Variants in RDH10 observed in about 807,000 individuals in gnomAD.
RDH10 encodes retinol dehydrogenase 10 (all-trans).
In RDH10, 12 loss-of-function variants were observed where a neutral mutation model predicts 30.2. That is an observed-to-expected ratio of 0.40 (90% CI 0.25 to 0.64). The LOEUF is 0.64. Ranked by LOEUF, RDH10 falls within the 30% of genes least tolerant of loss-of-function variation. RDH10 has a pLI of 0.43. For synonymous variants in RDH10, 189 were observed against 172.2 expected, an observed-to-expected ratio of 1.10 and a Z score of -0.76; for missense variants, 268 against 445.2, an observed-to-expected ratio of 0.60 and a Z score of 3.58.
At position 73,323,703 on chromosome 8, in the gene RDH10, G is replaced by A. The variant is rs1814810299; in HGVS notation, c.*667G>A. ...AGTCTCGCTCTGTCACCAGGCTGGA[G>A]TGCAGTAGCACAATCACGGCTCACT... On this transcript the variant is annotated 3_prime_UTR_variant, in exon 6 of 6. Coordinates refer to ENST00000240285, the MANE Select transcript of RDH10 (RefSeq NM_172037.5). The A allele has an allele frequency of 6.7e-6, 1 of 149,436 alleles. No individual in the cohort carries two copies. The highest frequency in any genetic ancestry group is 6.7e-5 in the Admixed American group (1 of 14,878). The allele number at this position is 149,436 out of a possible 1,614,324, so 9.3% of individuals were successfully genotyped here.
At chr8:73,307,269 G>A (rs1175178001) in intron 2 of RDH10, among the ~76,000 whole-genome samples, 1 of 152,162 alleles carries the variant, frequency 6.6e-6, no homozygotes, top group Non-Finnish European at 1.5e-5. Context: ...GGCAGCTGAA[G>A]CAACTGCTTA....
At chr8:73,320,475 GTTTTT>G (rs55892941) in intron 3 of RDH10, among the ~76,000 whole-genome samples, 4 of 137,426 alleles carry the variant, frequency 2.9e-5, no homozygotes, top group African/African-American at 1.1e-4. Flanking sequence ...TTTTGTTTTT[GTTTTT>G]TTTTTTTTGA....
At chr8:73,301,078 T>G in intron 2 of RDH10, among the ~76,000 whole-genome samples, 1 of 121,656 alleles carries the variant, frequency 8.2e-6, no homozygotes, top group Non-Finnish European at 1.6e-5. Context: ...TGAGACGGAG[T>G]CTCGCTCTGT....
chr8:73,312,965 G>A (rs1225287988), intron 2 of RDH10: 1 of 152,234 alleles, frequency 6.6e-6, no homozygotes, highest in Non-Finnish European at 1.5e-5. Context: ...CCTACGGTGA[G>A]AAATTAACTT....
At chr8:73,303,814 G>A (rs1164567573) in intron 2 of RDH10, among the ~76,000 whole-genome samples, 2 of 152,098 alleles carry the variant, frequency 1.3e-5, no homozygotes, top group Non-Finnish European at 2.9e-5. Flanking sequence ...GCCCAAATCT[G>A]TTGCTACTAG....
Position 73,295,208 on chromosome 8 carries a change from C to T in RDH10, c.-82C>T, listed in dbSNP as rs1814238240. ...TCGTCCCGGCCTCTGTGACAAGCGC[C>T]CCGGAGCCGGGAGCCCGATTGCCGG... On this transcript the variant is annotated 5_prime_UTR_variant, in exon 1 of 6. Coordinates refer to ENST00000240285, the MANE Select transcript of RDH10 (RefSeq NM_172037.5). 7 of 1,339,884 alleles carry T rather than the reference C, an allele frequency of 5.2e-6. No homozygotes were observed. Among genetic ancestry groups the T allele is most frequent in the South Asian group, 4.5e-5 (3 of 67,266 alleles). 83.0% of individuals were successfully genotyped at this position (1,339,884 alleles called of 1,614,324 possible). A position where few individuals can be genotyped will look rare whatever the true frequency, so the allele number is the denominator to read the frequency against.
chr8:73,316,215 A>G (rs1814661158), intron 2 of RDH10, among the ~76,000 whole-genome samples: 1 of 151,962 alleles, frequency 6.6e-6, no homozygotes, highest in Non-Finnish European at 1.5e-5. Context: ...GCAGCGTTTC[A>G]CAGTGTTTCC....
chr8:73,301,819 G>A (rs1354419024), intron 2 of RDH10, among the ~76,000 whole-genome samples: 1 of 152,132 alleles, frequency 6.6e-6, no homozygotes, highest in Non-Finnish European at 1.5e-5. Context: ...TGCAAACCAG[G>A]GCTGTCTCAC....
intron 2 of RDH10, among the ~76,000 whole-genome samples, chr8:73,303,284 G>A (rs541531163): frequency 6.6e-6 from 1 of 152,226 alleles, no homozygotes; most frequent in Admixed American, 6.5e-5. Context: ...TAATGTTTAG[G>A]TTCTTATGTG....
At position 73,295,188 on chromosome 8, in the gene RDH10, C is replaced by T; in HGVS notation, c.-102C>T. ...GGGCGCGGGGCGCAGCCTTCTCGTCCCGGCCTCTGTGACAAGCGCCCCGGA... is the reference window on the plus strand; with the variant it reads ...GGGCGCGGGGCGCAGCCTTCTCGTCTCGGCCTCTGTGACAAGCGCCCCGGA... On this transcript the variant is annotated 5_prime_UTR_variant, in exon 1 of 6. Coordinates refer to ENST00000240285, the MANE Select transcript of RDH10 (RefSeq NM_172037.5). The T allele has an allele frequency of 8.4e-7, 1 of 1,193,594 alleles. No homozygotes were observed. The highest frequency in any genetic ancestry group is 1.7e-5 in the South Asian group (1 of 60,056). The allele number at this position is 1,193,594 out of a possible 1,614,324, so 73.9% of individuals were successfully genotyped here.
chr8:73,298,993 T>C (rs1167516925), intron 2 of RDH10, among the ~76,000 whole-genome samples: 2 of 152,110 alleles, frequency 1.3e-5, no homozygotes, highest in East Asian at 1.9e-4. Context: ...TTTGTATTTT[T>C]AGTAGAGGCG....
In RDH10 at chr8:73,323,227, C is replaced by A; in HGVS notation, c.*191C>A. 1 of 491,458 alleles carries A rather than the reference C, an allele frequency of 2.0e-6. No homozygotes were observed. The highest frequency in any genetic ancestry group is 3.3e-5 in the Admixed American group (1 of 30,376). 30.4% of individuals were successfully genotyped at this position (491,458 alleles called of 1,614,324 possible). ...GGAAAATGTGATCAGTACAAGTGAA[C>A]TTAGGTTGTTGCCAACAGGGTCCTT... On this transcript the variant is annotated 3_prime_UTR_variant, in exon 6 of 6. Coordinates refer to ENST00000240285, the MANE Select transcript of RDH10 (RefSeq NM_172037.5).
chr8:73,301,252 G>T (rs1174459524), intron 2 of RDH10, among the ~76,000 whole-genome samples: 4 of 149,152 alleles, frequency 2.7e-5, no homozygotes, highest in African/African-American at 4.9e-5. Context: ...GGGTTTCACC[G>T]TGTTAGCCAG....
Position 73,295,321 on chromosome 8 carries a change from CT to C in RDH10, c.35del (p.Phe12SerfsTer116). The C allele has an allele frequency of 6.4e-7, 1 of 1,566,704 alleles. No homozygotes were observed. Among genetic ancestry groups the C allele is most frequent in the Non-Finnish European group, 8.6e-7 (1 of 1,157,642 alleles). On this transcript the variant is annotated frameshift_variant, in exon 1 of 6. Coordinates refer to ENST00000240285, the MANE Select transcript of RDH10 (RefSeq NM_172037.5). LOFTEE classifies it high-confidence loss of function. MNIVVEFFVV[T>X]FKVLWAFVLA... ...ATCGTGGTGGAGTTCTTCGTGGTCA[CT>C]TTCAAAGTGCTCTGGGCGTTCGTGC... is the stretch of plus-strand genomic sequence containing the variant.
chr8:73,309,610 C>CTTTTTTT (rs5892406), intron 2 of RDH10, among the ~76,000 whole-genome samples: 7 of 120,554 alleles, frequency 5.8e-5, no homozygotes, highest in African/African-American at 6.1e-5. Flanking sequence ...AAGTTGTTGC[C>CTTTTTTT]TTTTTTTTTT....
chr8:73,296,951 A>C (rs548780217), intron 1 of RDH10: 3 of 465,900 alleles, frequency 6.4e-6, no homozygotes, highest in African/African-American at 5.9e-5. Context: ...TGGGCTTGTC[A>C]CAATTACATG....
chr8:73,320,831 A>G, intron 3 of RDH10, 101 bp from the exon 4 acceptor site: 1 of 1,118,298 alleles, frequency 8.9e-7, no homozygotes. Flanking sequence ...AACCTTATGT[A>G]TTAGACATCT....
At chr8:73,312,615 G>A (rs950154047) in intron 2 of RDH10, 6 of 152,258 alleles carry the variant, frequency 3.9e-5, no homozygotes, top group African/African-American at 1.4e-4. Context: ...GAACAGTAGA[G>A]GAAAGTTGCC....
chr8:73,306,287 C>T (rs1040197704), intron 2 of RDH10, among the ~76,000 whole-genome samples: 6 of 152,190 alleles, frequency 3.9e-5, no homozygotes, highest in African/African-American at 7.2e-5. Context: ...GGAGTGGATG[C>T]GAGGGGACGC....
Sources: allele counts gnomAD v4.1 joint callset (sites outside exome capture counted in the v4.1 genomes callset), GRCh38; gene constraint gnomAD v4.1.1; transcripts MANE v1.5; gene names NCBI Gene and HGNC (gene_info 2026-07-23, HGNC 2026-07-21).